The following SULF2 variants were observed in gnomAD, a reference collection of about 807,000 sequenced individuals.
The protein encoded by SULF2 is sulfatase 2.
Under a neutral mutation model 107.7 loss-of-function variants are expected in SULF2, and 52 were observed. That is an observed-to-expected ratio of 0.48 (90% CI 0.39 to 0.61). SULF2 has a LOEUF of 0.61. SULF2 is among the 20% of genes least tolerant of loss of function. The pLI is 0.00. For missense variants in SULF2, 993 were observed against 1,177.3 expected (o/e 0.84, Z 2.29); for synonymous variants, 460 against 464.3 (o/e 0.99, Z 0.12).
rs1473723407 is a variant in SULF2, at chr20:47,745,390, AAAAAAAAAAAAAAAAAAAAAATAT to A, written c.176-8472_176-8449del. Among the ~76,000 whole-genome samples the A allele has an allele frequency of 5.8e-3, 79 of 13,574 alleles. 4 individuals carry two copies. The highest frequency in any genetic ancestry group is 0.041 in the African/African-American group (41 of 994). The allele number at this position is 13,574 out of a possible 152,430, so 8.9% of individuals were successfully genotyped here. ...TGTTCTGAGTTTTGAGGGAAAAAAAAAAAAAAAAAAAAAAAAAAAAATATATATATATATATATATATATATATA... is the reference window on the plus strand; with the variant it reads ...TGTTCTGAGTTTTGAGGGAAAAAAAAATATATATATATATATATATATATA... On this transcript the variant is annotated intron_variant, in intron 2 of 20. Transcript: ENST00000688720.
At chr20:47,720,066 A>G (rs1274382541) in intron 3 of SULF2, among the ~76,000 whole-genome samples, 2 of 152,052 alleles carry the variant, frequency 1.3e-5, no homozygotes, top group Non-Finnish European at 2.9e-5. Flanking sequence ...CTCCCACCTC[A>G]GCCTCCCGAG....
intron 4 of SULF2, 90 bp downstream of exon 4, chr20:47,702,429 C>T (rs539149758): frequency 2.7e-6 from 4 of 1,473,060 alleles, no homozygotes; most frequent in Non-Finnish European, 3.7e-6. Context: ...GCCTGAGTCA[C>T]AATCTGAACC....
rs1889174 is a variant in SULF2 at position 47,694,438 on chromosome 20, A to C, written c.568-4143T>G. Among the ~76,000 whole-genome samples, 84,220 of 152,066 alleles carry C rather than the reference A, an allele frequency of 0.55. 23,726 individuals are homozygous for C. The highest frequency in any genetic ancestry group is 0.65 in the Admixed American group (9,897 of 15,298). Reference sequence around the variant, plus strand: ...GGGGTGCCCGGGTCAAGCCATGAGGAAGAACTCTGAAATTCAGACCTGTGA... The same window carrying C: ...GGGGTGCCCGGGTCAAGCCATGAGGCAGAACTCTGAAATTCAGACCTGTGA... On this transcript the variant is annotated intron_variant, in intron 4 of 20. Transcript: ENST00000688720. The surrounding 1 kb of genome is among the most constrained non-coding windows in gnomAD (Gnocchi z 4.4).
At chr20:47,721,174 T>C (rs916678968) in intron 3 of SULF2, among the ~76,000 whole-genome samples, 3 of 152,018 alleles carry the variant, frequency 2.0e-5, no homozygotes, top group African/African-American at 7.3e-5. Flanking sequence ...TGCAAATCAC[T>C]GCACGAAGTG....
intron 3 of SULF2, among the ~76,000 whole-genome samples, chr20:47,730,008 T>C (rs924936452): frequency 3.3e-5 from 5 of 152,088 alleles, no homozygotes; most frequent in African/African-American, 4.8e-5. Flanking sequence ...GTGCCCCAAG[T>C]GTAGTGTAGT....
intron 2 of SULF2, among the ~76,000 whole-genome samples, chr20:47,755,246 C>T (rs2090254067): frequency 6.6e-6 from 1 of 152,170 alleles, no homozygotes. Context: ...AAGTCAGCCA[C>T]GGCTTTCTTT....
intron 1 of SULF2, among the ~76,000 whole-genome samples, chr20:47,769,848 T>C (rs1478470938): frequency 4.6e-5 from 7 of 151,664 alleles, no homozygotes; most frequent in African/African-American, 1.5e-4. Flanking sequence ...GAGATGACAG[T>C]TGGGTGGATC....
intron 3 of SULF2, among the ~76,000 whole-genome samples, chr20:47,732,295 T>A (rs2089632012): frequency 6.6e-6 from 1 of 152,212 alleles, no homozygotes; most frequent in Non-Finnish European, 1.5e-5. Flanking sequence ...GTGACATTAT[T>A]AACTGTGGTT....
intron 4 of SULF2, among the ~76,000 whole-genome samples, chr20:47,699,297 T>G (rs2088484748): frequency 6.6e-6 from 1 of 152,018 alleles, no homozygotes. Flanking sequence ...AGGCTCTCAA[T>G]GAATACTTGT....
intron 1 of SULF2, among the ~76,000 whole-genome samples, chr20:47,778,132 C>T (rs1490980458): frequency 2.0e-5 from 3 of 152,168 alleles, no homozygotes; most frequent in East Asian, 1.9e-4. Context: ...CAGTGCAAGA[C>T]CCTGTCTCAA....
At chr20:47,781,160 T>C (rs1162379927) in intron 1 of SULF2, among the ~76,000 whole-genome samples, 1 of 152,250 alleles carries the variant, frequency 6.6e-6, no homozygotes, top group Non-Finnish European at 1.5e-5. Context: ...GGCAGAAAAG[T>C]CAGGCCTTTG....
chr20:47,749,549 T>G (rs757403156), intron 2 of SULF2, among the ~76,000 whole-genome samples: 1 of 152,252 alleles, frequency 6.6e-6, no homozygotes, highest in African/African-American at 2.4e-5. Context: ...GTGTCTGGAA[T>G]CTGGGTATGT....
chr20:47,679,924 T>C (rs1177140724), intron 7 of SULF2, among the ~76,000 whole-genome samples: 1 of 144,262 alleles, frequency 6.9e-6, no homozygotes, highest in Non-Finnish European at 1.5e-5. Context: ...CACCATCTCA[T>C]ATGCTATATA....
chr20:47,658,053 TC>T lies in SULF2; in HGVS notation c.*308del. 2.4e-6 allele frequency: 1 copy of T among 409,912 alleles called. No homozygotes were observed. The highest frequency in any genetic ancestry group is 4.4e-6 in the Non-Finnish European group (1 of 228,044). The allele number at this position is 409,912 out of a possible 1,614,324, so 25.4% of individuals were successfully genotyped here. A position where few individuals can be genotyped will look rare whatever the true frequency, so the allele number is the denominator to read the frequency against. On this transcript the variant is annotated 3_prime_UTR_variant, in exon 21 of 21. Coordinates refer to ENST00000688720, the MANE Select transcript of SULF2 (RefSeq NM_001387048.1). ...CCAAGGAAATCTCTCTCGCTCGCTC[TC>T]TCCGTTTTCCTTTGTGAGCTTCTGG...
At chr20:47,774,461 T>C (rs2090689540) in intron 1 of SULF2, among the ~76,000 whole-genome samples, 1 of 152,158 alleles carries the variant, frequency 6.6e-6, no homozygotes, top group African/African-American at 2.4e-5. Context: ...AAACTGCCCC[T>C]ATCTTCTGGA....
At chr20:47,682,042 G>A (rs1369737361) in intron 7 of SULF2, among the ~76,000 whole-genome samples, 3 of 152,114 alleles carry the variant, frequency 2.0e-5, no homozygotes, top group African/African-American at 4.8e-5. Flanking sequence ...CACTCCATAC[G>A]TGTGGACTGT....
At chr20:47,699,569 G>A (rs907587168) in intron 4 of SULF2, among the ~76,000 whole-genome samples, 2 of 152,042 alleles carry the variant, frequency 1.3e-5, no homozygotes, top group African/African-American at 4.8e-5. Context: ...CACGTAATAT[G>A]TGTCAAGGTT....
chr20:47,777,534 C>T (rs1209070489), intron 1 of SULF2, among the ~76,000 whole-genome samples: 3 of 152,154 alleles, frequency 2.0e-5, no homozygotes. Flanking sequence ...AAACCAGCGC[C>T]TGGACTCCCC....
At chr20:47,774,185 G>A (rs1048048038) in intron 1 of SULF2, among the ~76,000 whole-genome samples, 5 of 152,262 alleles carry the variant, frequency 3.3e-5, no homozygotes, top group Non-Finnish European at 7.3e-5. Context: ...GCTTCCCAAT[G>A]TGGCTTGCTG....
Sources: allele counts gnomAD v4.1 joint callset (sites outside exome capture counted in the v4.1 genomes callset), GRCh38; gene constraint gnomAD v4.1.1; non-coding constraint Gnocchi (gnomAD v3.1); transcripts MANE v1.5; gene names NCBI Gene and HGNC (gene_info 2026-07-23, HGNC 2026-07-21).